Variants in FLT4 observed in about 807,000 individuals in gnomAD.
FLT4 encodes the protein fms related receptor tyrosine kinase 4.
In FLT4, 30 loss-of-function variants were observed where a neutral mutation model predicts 163.2. That is an observed-to-expected ratio of 0.18 (90% CI 0.14 to 0.25). The LOEUF (loss-of-function observed/expected upper bound fraction) is 0.25. Ranked by LOEUF, FLT4 falls within the 10% of genes least tolerant of loss-of-function variation. The probability of loss-of-function intolerance (pLI) is 1.00; values close to 1 mark genes in which losing one functional copy is unlikely to be tolerated. For synonymous variants in FLT4, 884 were observed against 789.5 expected, an observed-to-expected ratio of 1.12 and a Z score of -2.01; for missense variants, 1,510 against 1,863.8, an observed-to-expected ratio of 0.81 and a Z score of 3.50.
rs780661773 is a variant in FLT4 at position 180,630,230 on chromosome 5, G to A, written c.508C>T (p.Arg170Cys). ...GGGTTGGGGTGGGGCCGTACCGAGCGCAGCGTGACATTGAGGCCGGGGATG... is the reference window on the plus strand; with the variant it reads ...GGGTTGGGGTGGGGCCGTACCGAGCACAGCGTGACATTGAGGCCGGGGATG... Reference protein sequence around the residue: ...VSIPGLNVTLRSQSSVLWPDG... With the variant: ...VSIPGLNVTLCSQSSVLWPDG... The change falls in exon 4 of 30, where the codon CGC (arginine) becomes TGC (cysteine). Residue 170 changes from arginine to cysteine, a missense_variant. This residue lies in a region of FLT4 where 163 missense variants were observed against 281.1 expected (regional missense o/e 0.58). Transcript: ENST00000261937. This position sits in a 1 kb window ranked among gnomAD's most constrained non-coding sequence, Gnocchi z 6.3. 3 of 1,612,024 alleles carry A rather than the reference G, an allele frequency of 1.9e-6. No individual in the cohort carries two copies. Among genetic ancestry groups the A allele is most frequent in the Non-Finnish European group, 1.7e-6 (2 of 1,179,434 alleles).
chr5:180,622,996 T>G (rs1382122326), intron 11 of FLT4, among the ~76,000 whole-genome samples, 157 bp from the exon 12 acceptor site: 1 of 151,156 alleles, frequency 6.6e-6, no homozygotes, highest in East Asian at 2.0e-4. Flanking sequence ...GGACCAGGGA[T>G]AGTGAGGCAG....
In FLT4 at chr5:180,616,441, C is replaced by G; in HGVS notation, c.3145G>C (p.Asp1049His). ...CCAAAGTCACAGATCTTCACCACGT[C>G]GCTTTCCGACAGCAGAATGTTCCGA... is the stretch of plus-strand genomic sequence containing the variant. ...AARNILLSES[D>H]VVKICDFGLA... is the part of the protein sequence containing the mutation. The change falls in exon 23 of 30, where the codon GAC becomes CAC. Residue 1049 changes from aspartate to histidine, a missense_variant. By Grantham distance (81) the Asp-to-His change is moderately conservative. Transcript: ENST00000261937. 1 of 1,613,984 alleles carries G rather than the reference C, an allele frequency of 6.2e-7. No homozygotes were observed. The highest frequency in any genetic ancestry group is 8.5e-7 in the Non-Finnish European group (1 of 1,180,000).
rs73812629 is a variant in FLT4 at position 180,631,083 on chromosome 5, G to C, written c.156-284C>G. Among the ~76,000 whole-genome samples, 12,880 of 152,116 alleles carry C rather than the reference G, an allele frequency of 0.085. 1,799 individuals are homozygous for C. The highest frequency in any genetic ancestry group is 0.29 in the African/African-American group (12,049 of 41,460). Reference sequence around the variant, plus strand: ...CTGGGGCCCCAGTGGGTGCTCCCAGGGTGGCTGGGAGTGGATGCAGATGAC... The same window carrying C: ...CTGGGGCCCCAGTGGGTGCTCCCAGCGTGGCTGGGAGTGGATGCAGATGAC... On this transcript the variant is annotated intron_variant, in intron 2 of 29. Transcript: ENST00000261937.
chr5:180,625,533 G>A (rs982136608), intron 10 of FLT4, among the ~76,000 whole-genome samples: 7 of 152,228 alleles, frequency 4.6e-5, no homozygotes, highest in Admixed American at 1.3e-4. Flanking sequence ...GTCCTGCTGG[G>A]TGCTCAGAGA....
intron 29 of FLT4, among the ~76,000 whole-genome samples, chr5:180,607,356 G>C (rs975725470): frequency 1.3e-5 from 2 of 152,184 alleles, no homozygotes; most frequent in Non-Finnish European, 2.9e-5. Context: ...GAAAACAGTG[G>C]CCGGGCGCGG....
chr5:180,602,903 T>C lies in FLT4; in HGVS notation c.*289A>G. The C allele has an allele frequency of 1.7e-6, 1 of 588,206 alleles. No individual in the cohort carries two copies. Among genetic ancestry groups the C allele is most frequent in the South Asian group, 2.1e-5 (1 of 47,280 alleles). The allele number at this position is 588,206 out of a possible 1,614,324, so 36.4% of individuals were successfully genotyped here. Reference sequence around the variant, plus strand: ...CGCCAAAGAGACATTCCCATGGAAGTGCTGGCCCCGGGACCAGCACCTGCG... The same window carrying C: ...CGCCAAAGAGACATTCCCATGGAAGCGCTGGCCCCGGGACCAGCACCTGCG... On this transcript the variant is annotated 3_prime_UTR_variant, in exon 30 of 30. Transcript: ENST00000261937.
At chr5:180,622,294 C>G (rs1173821147) in intron 12 of FLT4, among the ~76,000 whole-genome samples, 1 of 135,248 alleles carries the variant, frequency 7.4e-6, no homozygotes, top group Non-Finnish European at 1.6e-5. Flanking sequence ...CTACATCTCT[C>G]TGCTGGTGCC....
upstream of FLT4, among the ~76,000 whole-genome samples, chr5:180,650,217 A>C (rs975357682): frequency 6.7e-6 from 1 of 150,286 alleles, no homozygotes; most frequent in African/African-American, 2.4e-5. Flanking sequence ...AGCAGTGTTT[A>C]CCTGCACAGT....
chr5:180,605,966 G>T (rs1472883614), intron 29 of FLT4, among the ~76,000 whole-genome samples: 1 of 152,194 alleles, frequency 6.6e-6, no homozygotes. Context: ...AGGAGACAGC[G>T]AAGGACTAGG....
In FLT4 at chr5:180,621,220, T is replaced by C. The variant is rs2127815208; in HGVS notation, c.2053A>G (p.Thr685Ala). ...TCGCTCACGTTCACCAGGAGGTCGG[T>C]CAAGTTCTGCGTGAGCCGAGGGGCT... The part of the protein sequence containing the change: ...LEAPRLTQNL[T>A]DLLVNVSDSL... Residue 685 changes from threonine (T) to alanine (A), a missense_variant, in exon 14 of 30, where the codon ACC (threonine) becomes GCC (alanine). Transcript: ENST00000261937. The C allele has an allele frequency of 6.2e-7, 1 of 1,612,656 alleles. No individual in the cohort carries two copies. Among genetic ancestry groups the C allele is most frequent in the Non-Finnish European group, 8.5e-7 (1 of 1,179,900 alleles).
At position 180,629,684 on chromosome 5, in the gene FLT4, T is replaced by C. The variant is rs1203165703; in HGVS notation, c.816+12A>G. 3 of 1,609,838 alleles carry C rather than the reference T, an allele frequency of 1.9e-6. No homozygotes were observed. Among genetic ancestry groups the C allele is most frequent in the African/African-American group, 1.3e-5 (1 of 74,892 alleles). On this transcript the variant is annotated intron_variant, in intron 6 of 29. Coordinates refer to ENST00000261937, the MANE Select transcript of FLT4 (RefSeq NM_182925.5). ...TGGGGACAGGACAGCCTGGCAGCGCTGCTGACCTCACCTGCTTCCCTGGGT... is the reference window on the plus strand; with the variant it reads ...TGGGGACAGGACAGCCTGGCAGCGCCGCTGACCTCACCTGCTTCCCTGGGT...
chr5:180,629,816 G>A lies in FLT4; in HGVS notation c.696C>T (p.Ile232=), dbSNP rs553713903. The part of the protein sequence containing the change: ...VHITGNELYD[I]QLLPRKSLEL... ...CCAGCGACTTCCTGGGCAACAGCTG[G>A]ATGTCATAGAGCTCGTTGCCTGTTG... The change falls in exon 6 of 30, where the codon ATC becomes ATT. Residue 232 remains isoleucine (I), a synonymous_variant. Coordinates refer to ENST00000261937, the MANE Select transcript of FLT4 (RefSeq NM_182925.5). 35 of 1,612,558 alleles carry A rather than the reference G, an allele frequency of 2.2e-5. No homozygotes were observed. In the Admixed American group the frequency reaches 2.3e-4, roughly 11 times the overall value.
chr5:180,606,177 A>C (rs1761770911), intron 29 of FLT4, among the ~76,000 whole-genome samples: 1 of 152,160 alleles, frequency 6.6e-6, no homozygotes, highest in Admixed American at 6.5e-5. Context: ...AAATGAACAA[A>C]TCCATCATGT....
chr5:180,619,258 G>C lies in FLT4; in HGVS notation c.2756C>G (p.Pro919Arg). The C allele has an allele frequency of 1.9e-6, 3 of 1,608,244 alleles. No individual in the cohort carries two copies. Among genetic ancestry groups the C allele is most frequent in the South Asian group, 1.1e-5 (1 of 91,008 alleles). ...GCGGGCCGCCCGCTCCGTACCCTGC[G>C]GCTTGGTGCACGCCCCGAGGAGGTT... The part of the protein sequence containing the change: ...VVNLLGACTK[P>R]QGPLMVIVEF... The change falls in exon 19 of 30, where the codon CCG (proline) becomes CGG (arginine). Residue 919 changes from proline to arginine, a missense_variant. Transcript: ENST00000261937.
chr5:180,618,782 G>C lies in FLT4; in HGVS notation c.2989C>G (p.Pro997Ala), dbSNP rs1028386612. The C allele has an allele frequency of 8.8e-6, 14 of 1,589,772 alleles. No homozygotes were observed. Among genetic ancestry groups the C allele is most frequent in the Admixed American group, 1.7e-5 (1 of 57,304 alleles). Residue 997 changes from proline (P) to alanine (A), a missense_variant, in exon 21 of 30, where the codon CCA becomes GCA. Pro to Ala is a conservative substitution (Grantham distance 27). This residue lies in a region of FLT4 where 878 missense variants were observed against 1,016.7 expected (regional missense o/e 0.86). Transcript: ENST00000261937. The part of the protein sequence containing the change: ...KTEGGARRAS[P>A]DQEAEDLWLS... ...GCCAGGCTCTCACCTTCTTGGTCTG[G>C]AGAAGCCCGCCTCGCTCCGCCCTCG...
intron 6 of FLT4, 54 bp from the exon 7 acceptor site, chr5:180,629,481 C>A: frequency 6.3e-7 from 1 of 1,596,112 alleles, no homozygotes; most frequent in Non-Finnish European, 8.5e-7. Context: ...GCACAGCTAC[C>A]CCACCGAAGG....
chr5:180,616,359 G>C lies in FLT4; in HGVS notation c.3219+8C>G. The C allele has an allele frequency of 6.2e-7, 1 of 1,613,872 alleles. No homozygotes were observed. On this transcript the variant is annotated splice_region_variant and intron_variant, in intron 23 of 29. Transcript: ENST00000261937. ...CCACGTTCCCTCTCCTCAATGGCCTGCACTCACACTGCCCTTGCGGACGTA... is the reference window on the plus strand; with the variant it reads ...CCACGTTCCCTCTCCTCAATGGCCTCCACTCACACTGCCCTTGCGGACGTA...
chr5:180,646,864 T>A (rs1561767439), intron 1 of FLT4, among the ~76,000 whole-genome samples: 2 of 152,194 alleles, frequency 1.3e-5, no homozygotes. Context: ...GGCCCAGCCA[T>A]GTGGGCCCTA....
At chr5:180,604,595 C>G (rs1160482031) in intron 29 of FLT4, among the ~76,000 whole-genome samples, 68 of 152,206 alleles carry the variant, frequency 4.5e-4, no homozygotes, top group Non-Finnish European at 8.8e-5. Context: ...CCAGGCCTCT[C>G]GCCTTGACCT....
Sources: gnomAD v4.1 joint callset for allele counts (sites outside exome capture counted in the v4.1 genomes callset) on GRCh38, gnomAD v4.1.1 for gene constraint, gnomAD v4.1.1 regional missense constraint, Gnocchi (gnomAD v3.1) non-coding constraint, MANE v1.5 for transcripts, NCBI Gene and HGNC (gene_info 2026-07-23, HGNC 2026-07-21) for gene names.